MRPS24: variants seen among roughly 807,000 people sequenced by gnomAD.
MRPS24 encodes mitochondrial ribosomal protein S24.
In MRPS24, 15 loss-of-function variants were observed where a neutral mutation model predicts 21.8. That is an observed-to-expected ratio of 0.69 (90% CI 0.46 to 1.06). MRPS24 has a LOEUF of 1.06. Ranked by LOEUF, MRPS24 falls within the 50% of genes least tolerant of loss-of-function variation. The probability of loss-of-function intolerance (pLI) is 0.00; values close to 1 mark genes in which losing one functional copy is unlikely to be tolerated. For missense variants in MRPS24, 224 were observed against 219.1 expected, an observed-to-expected ratio of 1.02 and a Z score of -0.14; for synonymous variants, 93 against 93.7, an observed-to-expected ratio of 0.99 and a Z score of 0.04.
rs749498856 is a variant in MRPS24, at chr7:43,869,012, G to A, written c.171C>T (p.His57=). 20 of 1,613,902 alleles carry A rather than the reference G, an allele frequency of 1.2e-5. No individual in the cohort carries two copies. The highest frequency in any genetic ancestry group is 4.4e-5 in the South Asian group (4 of 91,080). Residue 57 remains histidine, a synonymous_variant, in exon 3 of 4, where the codon CAC becomes CAT. Transcript: ENST00000317534. The surrounding 1 kb of genome is among the most constrained non-coding windows in gnomAD (Gnocchi z 4.8). ...TACGGTGGGCGATGTAGTGCGGCGC[G>A]TGTGCCTCCTCGTAGGTCACCGGCT... The part of the protein sequence containing the change: ...GDKPVTYEEA[H]APHYIAHRKG...
chr7:43,869,267 C>G lies in MRPS24; in HGVS notation c.108+41G>C. 92 of 1,459,648 alleles carry G rather than the reference C, an allele frequency of 6.3e-5. No individual in the cohort carries two copies. The highest frequency in any genetic ancestry group is 7.7e-5 in the Non-Finnish European group (85 of 1,106,592). 90.4% of individuals were successfully genotyped at this position (1,459,648 alleles called of 1,614,324 possible). A position where few individuals can be genotyped will look rare whatever the true frequency, so the allele number is the denominator to read the frequency against. ...ACGGCTTCCCCGGCCCCCGGCCCCC[C>G]GGCCCCCAGGCCCCCAGGCCCCTGC... On this transcript the variant is annotated intron_variant, in intron 2 of 3. Coordinates refer to ENST00000317534, the MANE Select transcript of MRPS24 (RefSeq NM_032014.3). The surrounding 1 kb of genome is among the most constrained non-coding windows in gnomAD (Gnocchi z 4.8).
rs2095838501 is a variant in MRPS24 at position 43,868,907 on chromosome 7, T to C, written c.220+56A>G. On this transcript the variant is annotated intron_variant, in intron 3 of 3. Coordinates refer to ENST00000317534, the MANE Select transcript of MRPS24 (RefSeq NM_032014.3). Reference sequence around the variant, plus strand: ...AGAAAACCTGTGACACGTGTTCATTTTGTTTACATGACAGTCGGATTGAGT... The same window carrying C: ...AGAAAACCTGTGACACGTGTTCATTCTGTTTACATGACAGTCGGATTGAGT... The C allele has an allele frequency of 3.2e-6, 5 of 1,585,832 alleles. No homozygotes were observed. In the Admixed American group the frequency reaches 5.2e-5, roughly 16 times the overall value.
chr7:43,867,120 G>T (rs547969526), intron 3 of MRPS24, 138 bp from the exon 4 acceptor site: 4 of 847,896 alleles, frequency 4.7e-6, no homozygotes, highest in South Asian at 1.8e-5. Flanking sequence ...TCTGCTAATG[G>T]AATAAGAAAA....
intron 3 of MRPS24, chr7:43,868,171 A>C (rs1359239366): frequency 1.3e-5 from 2 of 152,194 alleles, no homozygotes; most frequent in Non-Finnish European, 2.9e-5. Flanking sequence ...TCTCTAATAC[A>C]TGTATGTTCT....
chr7:43,867,038 A>G (rs1301528337), intron 3 of MRPS24, 56 bp from the exon 4 acceptor site: 11 of 1,574,920 alleles, frequency 7.0e-6, no homozygotes, highest in South Asian at 6.9e-5. Context: ...GGGCCCTGCC[A>G]TAACTCCAGA....
chr7:43,869,464 C>A lies in MRPS24; in HGVS notation c.32G>T (p.Gly11Val). The change falls in exon 1 of 4, where the codon GGG becomes GTG. Residue 11 changes from glycine (G) to valine (V), a missense_variant. Transcript: ENST00000317534. The surrounding 1 kb of genome is among the most constrained non-coding windows in gnomAD (Gnocchi z 4.8). MAASVCSGLLGPRVLSWSREL... is the reference protein window; with the variant it reads MAASVCSGLLVPRVLSWSREL... ...CCGAGTCGCCCCACTCACCCGTGGC[C>A]CCAGCAACCCGCTGCACACGGAGGC... 6.4e-7 allele frequency: 1 copy of A among 1,567,292 alleles called. No individual in the cohort carries two copies. Among genetic ancestry groups the A allele is most frequent in the Non-Finnish European group, 8.6e-7 (1 of 1,157,176 alleles).
intron 3 of MRPS24, chr7:43,867,837 T>G (rs1300456720): frequency 1.3e-5 from 2 of 152,134 alleles, no homozygotes; most frequent in Non-Finnish European, 2.9e-5. Context: ...CAAGCATCTG[T>G]ATTTTAAGTA....
At position 43,869,202 on chromosome 7, in the gene MRPS24, C is replaced by T; in HGVS notation, c.108+106G>A. 1 of 1,471,372 alleles carries T rather than the reference C, an allele frequency of 6.8e-7. No individual in the cohort carries two copies. The highest frequency in any genetic ancestry group is 9.0e-7 in the Non-Finnish European group (1 of 1,115,756). The allele number at this position is 1,471,372 out of a possible 1,614,324, so 91.1% of individuals were successfully genotyped here. A position where few individuals can be genotyped will look rare whatever the true frequency, so the allele number is the denominator to read the frequency against. On this transcript the variant is annotated intron_variant, in intron 2 of 3. Transcript: ENST00000317534. This position sits in a 1 kb window ranked among gnomAD's most constrained non-coding sequence, Gnocchi z 4.8. Reference sequence around the variant, plus strand: ...CCTGATCCCTAAGCCCCGACCCTAGCCCCGCCTCGGACCCCAGCGACACGC... The same window carrying T: ...CCTGATCCCTAAGCCCCGACCCTAGTCCCGCCTCGGACCCCAGCGACACGC...
intron 3 of MRPS24, 144 bp downstream of exon 3, chr7:43,868,814 CTGCTT>C: frequency 9.6e-7 from 1 of 1,047,110 alleles, no homozygotes; most frequent in Non-Finnish European, 1.3e-6. Flanking sequence ...ATATATATCT[CTGCTT>C]TTTTATGTCT....
chr7:43,866,865 C>T lies in MRPS24; in HGVS notation c.338G>A (p.Arg113Gln), dbSNP rs769142155. ...CLADQLVLKR[R>Q]GNQLEICAVV... The stretch of plus-strand genomic sequence containing the variant: ...GGCACAGATCTCCAACTGGTTACCC[C>T]GGCGCTTTAAAACCAGCTGGTCAGC... The change falls in exon 4 of 4, where the codon CGG (arginine) becomes CAG (glutamine). Residue 113 changes from arginine (R) to glutamine (Q), a missense_variant. By Grantham distance (43) the Arg-to-Gln change is conservative. Transcript: ENST00000317534. 26 of 1,614,068 alleles carry T rather than the reference C, an allele frequency of 1.6e-5. 1 individual carries two copies. Among genetic ancestry groups the T allele is most frequent in the East Asian group, 6.7e-5 (3 of 44,900 alleles).
chr7:43,869,457 C>A lies in MRPS24; in HGVS notation c.39G>T (p.Arg13=). The change falls in exon 1 of 4, where the codon CGG becomes CGT. Residue 13 remains arginine, a splice_region_variant and synonymous_variant. Transcript: ENST00000317534. This position sits in a 1 kb window ranked among gnomAD's most constrained non-coding sequence, Gnocchi z 4.8. ...ASVCSGLLGP[R]VLSWSRELPC... ...GGACCTGCCGAGTCGCCCCACTCACCCGTGGCCCCAGCAACCCGCTGCACA... is the reference window on the plus strand; with the variant it reads ...GGACCTGCCGAGTCGCCCCACTCACACGTGGCCCCAGCAACCCGCTGCACA... 6.4e-7 allele frequency: 1 copy of A among 1,564,854 alleles called. No individual in the cohort carries two copies. The highest frequency in any genetic ancestry group is 8.7e-7 in the Non-Finnish European group (1 of 1,155,708).
chr7:43,869,267 C>CCCCCAGGCCCCCT lies in MRPS24; in HGVS notation c.108+40_108+41insAGGGGGCCTGGGG. On this transcript the variant is annotated intron_variant, in intron 2 of 3. Coordinates refer to ENST00000317534, the MANE Select transcript of MRPS24 (RefSeq NM_032014.3). The surrounding 1 kb of genome is among the most constrained non-coding windows in gnomAD (Gnocchi z 4.8). ...ACGGCTTCCCCGGCCCCCGGCCCCC[C>CCCCCAGGCCCCCT]GGCCCCCAGGCCCCCAGGCCCCTGC... is the stretch of plus-strand genomic sequence containing the variant. 1 of 1,460,638 alleles carries CCCCCAGGCCCCCT rather than the reference C, an allele frequency of 6.8e-7. No homozygotes were observed. The allele number at this position is 1,460,638 out of a possible 1,614,324, so 90.5% of individuals were successfully genotyped here.
Position 43,868,946 on chromosome 7 carries a change from G to A in MRPS24, c.220+17C>T. On this transcript the variant is annotated intron_variant, in intron 3 of 3. Coordinates refer to ENST00000317534, the MANE Select transcript of MRPS24 (RefSeq NM_032014.3). ...GTCGGATTGAGTGCTCCTTTTGGAG[G>A]CCTGGGGTCCGCTCACCTGTGTGCA... 1 of 1,611,926 alleles carries A rather than the reference G, an allele frequency of 6.2e-7. No homozygotes were observed. The highest frequency in any genetic ancestry group is 8.5e-7 in the Non-Finnish European group (1 of 1,178,790).
Position 43,868,711 on chromosome 7 carries a change from T to C in MRPS24, c.220+252A>G, listed in dbSNP as rs1290294612. On this transcript the variant is annotated intron_variant, in intron 3 of 3. Transcript: ENST00000317534. ...TTCTTGTCTGTAGACATGCAAATAA[T>C]TTCTGTTCAGTGGAGGATCAATTGA... 5 of 464,616 alleles carry C rather than the reference T, an allele frequency of 1.1e-5. No individual in the cohort carries two copies. The Admixed American group carries it at 2.0e-4, about 19-fold the overall frequency. 28.8% of individuals were successfully genotyped at this position (464,616 alleles called of 1,614,324 possible).
intron 3 of MRPS24, 107 bp from the exon 4 acceptor site, chr7:43,867,089 C>T: frequency 4.4e-6 from 5 of 1,133,790 alleles, no homozygotes; most frequent in South Asian, 3.0e-5. Flanking sequence ...CACCCTTCAC[C>T]CCCAGCCTCT....
intron 3 of MRPS24, chr7:43,868,252 T>TAA (rs751755623): frequency 6.6e-6 from 1 of 152,044 alleles, no homozygotes; most frequent in Admixed American, 6.6e-5. Flanking sequence ...AAGGCCATTT[T>TAA]AAACAGCAAA....
In MRPS24 at chr7:43,869,158, T is replaced by A; in HGVS notation, c.109-84A>T. 2 of 1,503,512 alleles carry A rather than the reference T, an allele frequency of 1.3e-6. No individual in the cohort carries two copies. The allele number at this position is 1,503,512 out of a possible 1,614,324, so 93.1% of individuals were successfully genotyped here. On this transcript the variant is annotated intron_variant, in intron 2 of 3. Coordinates refer to ENST00000317534, the MANE Select transcript of MRPS24 (RefSeq NM_032014.3). This position sits in a 1 kb window ranked among gnomAD's most constrained non-coding sequence, Gnocchi z 4.8. ...CCATGTCCCCCCAGTCAGCTGGCACTGTTCCCCGGCCCCAATCCCCTGATC... is the reference window on the plus strand; with the variant it reads ...CCATGTCCCCCCAGTCAGCTGGCACAGTTCCCCGGCCCCAATCCCCTGATC...
At position 43,869,165 on chromosome 7, in the gene MRPS24, C is replaced by G; in HGVS notation, c.109-91G>C. ...CCCCCAGTCAGCTGGCACTGTTCCC[C>G]GGCCCCAATCCCCTGATCCCTAAGC... On this transcript the variant is annotated intron_variant, in intron 2 of 3. Transcript: ENST00000317534. This position sits in a 1 kb window ranked among gnomAD's most constrained non-coding sequence, Gnocchi z 4.8. 6.7e-7 allele frequency: 1 copy of G among 1,495,506 alleles called. No individual in the cohort carries two copies. Among genetic ancestry groups the G allele is most frequent in the Non-Finnish European group, 8.9e-7 (1 of 1,123,812 alleles). The allele number at this position is 1,495,506 out of a possible 1,614,324, so 92.6% of individuals were successfully genotyped here.
In MRPS24 at chr7:43,869,389, G is replaced by A; in HGVS notation, c.40-13C>T. 6.5e-7 allele frequency: 1 copy of A among 1,549,912 alleles called. No individual in the cohort carries two copies. The highest frequency in any genetic ancestry group is 1.4e-5 in the African/African-American group (1 of 73,166). ...TCCAGGACAGCACCTGTGGAGGGAG[G>A]GCGCGTGAGGCGGAAACTAGGGACC... On this transcript the variant is annotated splice_polypyrimidine_tract_variant and intron_variant, in intron 1 of 3. Transcript: ENST00000317534. This position sits in a 1 kb window ranked among gnomAD's most constrained non-coding sequence, Gnocchi z 4.8.
Sources: gnomAD v4.1 joint callset for allele counts on GRCh38, gnomAD v4.1.1 for gene constraint, Gnocchi (gnomAD v3.1) non-coding constraint, MANE v1.5 for transcripts, NCBI Gene and HGNC (gene_info 2026-07-23, HGNC 2026-07-21) for gene names.